CPNE8: variants seen among roughly 807,000 people sequenced by gnomAD.
CPNE8 encodes copine 8.
In CPNE8, 45 loss-of-function variants were observed where a neutral mutation model predicts 81.5. That is an observed-to-expected ratio of 0.55 (90% CI 0.44 to 0.71). The LOEUF (loss-of-function observed/expected upper bound fraction) is 0.71. Among genes scored for constraint, CPNE8 ranks in the 30% least tolerant of loss-of-function variants. CPNE8 has a pLI of 0.00. For synonymous variants in CPNE8, 252 were observed against 226.3 expected, an observed-to-expected ratio of 1.11 and a Z score of -1.02; for missense variants, 594 against 672.1, an observed-to-expected ratio of 0.88 and a Z score of 1.28.
chr12:38,785,526 A>T (rs1378701231), intron 6 of CPNE8, among the ~76,000 whole-genome samples: 1 of 152,114 alleles, frequency 6.6e-6, no homozygotes, highest in Non-Finnish European at 1.5e-5. Context: ...GTCTTAGAAG[A>T]TCTGATGATT....
intron 10 of CPNE8, among the ~76,000 whole-genome samples, chr12:38,759,747 A>T (rs1204073202): frequency 3.3e-5 from 5 of 152,158 alleles, no homozygotes; most frequent in African/African-American, 1.2e-4. Context: ...GAAAAAAAAA[A>T]TACTATTTGC....
intron 19 of CPNE8, among the ~76,000 whole-genome samples, chr12:38,660,247 G>A (rs890923500): frequency 6.6e-6 from 1 of 152,134 alleles, no homozygotes. Context: ...AAACAGCATG[G>A]TACTGGTACC....
chr12:38,802,996 G>A (rs1228293808), intron 6 of CPNE8, among the ~76,000 whole-genome samples: 1 of 132,884 alleles, frequency 7.5e-6, no homozygotes, highest in African/African-American at 2.9e-5. Flanking sequence ...AACAGGCTCT[G>A]AAATTGTGGC....
At chr12:38,727,890 A>T (rs1223899952) in intron 11 of CPNE8, among the ~76,000 whole-genome samples, 1 of 152,172 alleles carries the variant, frequency 6.6e-6, no homozygotes, top group South Asian at 2.1e-4. Context: ...TCTCTGCTCA[A>T]ACAACAAGTG....
At chr12:38,805,569 C>A (rs1336789740) in intron 6 of CPNE8, among the ~76,000 whole-genome samples, 2 of 105,250 alleles carry the variant, frequency 1.9e-5, no homozygotes, top group South Asian at 4.1e-4. Context: ...CTAGATGACA[C>A]GTTAGTGGGT....
intron 15 of CPNE8, among the ~76,000 whole-genome samples, chr12:38,693,296 CA>C (rs1565570202): frequency 6.6e-6 from 1 of 152,052 alleles, no homozygotes; most frequent in Non-Finnish European, 1.5e-5. Flanking sequence ...TACTGCAAAG[CA>C]AAAATGCGCT....
chr12:38,771,375 G>C (rs1941798779), intron 7 of CPNE8, among the ~76,000 whole-genome samples: 1 of 151,792 alleles, frequency 6.6e-6, no homozygotes, highest in Non-Finnish European at 1.5e-5. Flanking sequence ...TGAGGTGGGA[G>C]AATCACTTGA....
chr12:38,898,424 C>A (rs1944416604), intron 1 of CPNE8, among the ~76,000 whole-genome samples: 1 of 151,978 alleles, frequency 6.6e-6, no homozygotes, highest in Non-Finnish European at 1.5e-5. Flanking sequence ...TAAATATGAT[C>A]AAAAAAGGCA....
chr12:38,734,509 A>T (rs1940909042), intron 10 of CPNE8, among the ~76,000 whole-genome samples: 1 of 152,072 alleles, frequency 6.6e-6, no homozygotes, highest in South Asian at 2.1e-4. Flanking sequence ...ACCCTTCAAT[A>T]GATAATGCTT....
chr12:38,892,075 C>G (rs1162423137), intron 1 of CPNE8, among the ~76,000 whole-genome samples: 2 of 152,088 alleles, frequency 1.3e-5, no homozygotes, highest in African/African-American at 4.8e-5. Flanking sequence ...TCACAAATTG[C>G]ACTGAGTGAG....
chr12:38,850,911 A>T (rs933731332), intron 3 of CPNE8, among the ~76,000 whole-genome samples: 2 of 152,206 alleles, frequency 1.3e-5, no homozygotes, highest in East Asian at 3.9e-4. Flanking sequence ...GGTGTTACCA[A>T]TGTGACAGTA....
At chr12:38,753,049 C>G (rs1941384493) in intron 10 of CPNE8, among the ~76,000 whole-genome samples, 3 of 152,236 alleles carry the variant, frequency 2.0e-5, no homozygotes, top group Admixed American at 2.0e-4. Flanking sequence ...TACTCACTAT[C>G]TGAAGTTTCA....
At chr12:38,771,876 C>T (rs191020996) in intron 7 of CPNE8, among the ~76,000 whole-genome samples, 14 of 152,264 alleles carry the variant, frequency 9.2e-5, no homozygotes, top group African/African-American at 1.4e-4. Context: ...GAAAAGGCAA[C>T]CTACAGAATG....
At chr12:38,878,429 G>T (rs929796007) in intron 1 of CPNE8, among the ~76,000 whole-genome samples, 30 of 152,094 alleles carry the variant, frequency 2.0e-4, no homozygotes, top group African/African-American at 7.2e-4. Flanking sequence ...CCAAGATAAA[G>T]AATTCCCTGA....
intron 10 of CPNE8, among the ~76,000 whole-genome samples, chr12:38,752,517 C>T (rs904436611): frequency 1.3e-5 from 2 of 152,018 alleles, no homozygotes; most frequent in Non-Finnish European, 2.9e-5. Context: ...CTCCCAGGAC[C>T]CTATTCCCAT....
intron 1 of CPNE8, among the ~76,000 whole-genome samples, chr12:38,900,684 G>T (rs1042812121): frequency 6.6e-6 from 1 of 152,130 alleles, no homozygotes; most frequent in Non-Finnish European, 1.5e-5. Flanking sequence ...TAGGATGAAC[G>T]CTCACACTTT....
intron 16 of CPNE8, among the ~76,000 whole-genome samples, chr12:38,684,739 A>AT (rs963443164): frequency 2.0e-5 from 3 of 152,024 alleles, no homozygotes; most frequent in African/African-American, 4.8e-5. Flanking sequence ...AAAATACATA[A>AT]TTTTTTTCAA....
chr12:38,670,863 G>T, intron 18 of CPNE8, 61 bp from the exon 19 acceptor site: 1 of 1,217,786 alleles, frequency 8.2e-7, no homozygotes, highest in South Asian at 1.3e-5. Context: ...AAACAATGTG[G>T]ACAACAAGGA....
intron 6 of CPNE8, among the ~76,000 whole-genome samples, chr12:38,795,308 T>G (rs78207742): frequency 6.6e-6 from 1 of 152,184 alleles, no homozygotes; most frequent in East Asian, 1.9e-4. Flanking sequence ...CACTGATTAA[T>G]ACAATGGACT....
Sources: gnomAD v4.1 joint callset for allele counts (sites outside exome capture counted in the v4.1 genomes callset) on GRCh38, gnomAD v4.1.1 for gene constraint, MANE v1.5 for transcripts, NCBI Gene and HGNC (gene_info 2026-07-23, HGNC 2026-07-21) for gene names.